Variants in SLC12A1 observed in about 807,000 individuals in gnomAD.
The protein encoded by SLC12A1 is Na-K-2Cl cotransporter.
Under a neutral mutation model 130.4 loss-of-function variants are expected in SLC12A1, and 89 were observed. That is an observed-to-expected ratio of 0.68 (90% confidence interval 0.58 to 0.81). The LOEUF is 0.81. SLC12A1 is among the 40% of genes least tolerant of loss of function. The pLI, the probability that SLC12A1 is intolerant of heterozygous loss-of-function variation, is 0.00. For synonymous variants in SLC12A1, 499 were observed against 460.0 expected (o/e 1.08, Z -1.09); for missense variants, 1,310 against 1,336.4 (o/e 0.98, Z 0.31).
Position 48,299,282 on chromosome 15 carries a change from A to T in SLC12A1, c.3096+7A>T, listed in dbSNP as rs200662267. On this transcript the variant is annotated splice_region_variant and intron_variant, in intron 25 of 26. Coordinates refer to ENST00000380993, the MANE Select transcript of SLC12A1 (RefSeq NM_000338.3). ...GGAAGCAGTCAAGGAAAAGGTAAGGATTTGTCTTTCTTAATTTTTTTGCTG... is the reference window on the plus strand; with the variant it reads ...GGAAGCAGTCAAGGAAAAGGTAAGGTTTTGTCTTTCTTAATTTTTTTGCTG... The T allele has an allele frequency of 6.3e-4, 986 of 1,571,104 alleles. 1 individual carries two copies. Among genetic ancestry groups the T allele is most frequent in the Middle Eastern group, 2.7e-3 (16 of 5,852 alleles).
intron 15 of SLC12A1, among the ~76,000 whole-genome samples, chr15:48,253,913 G>C (rs1165038476): frequency 3.9e-5 from 6 of 152,132 alleles, no homozygotes; most frequent in African/African-American, 1.4e-4. Context: ...AATGATTAAC[G>C]ATGTTGAACA....
intron 16 of SLC12A1, among the ~76,000 whole-genome samples, chr15:48,257,708 G>C (rs557334758): frequency 6.6e-6 from 1 of 152,284 alleles, no homozygotes; most frequent in Admixed American, 6.5e-5. Context: ...CACAGCAGGG[G>C]GACCCTGGAC....
In SLC12A1 at chr15:48,259,050, T is replaced by C. The variant is rs1306992634; in HGVS notation, c.2043-150T>C. The C allele has an allele frequency of 8.4e-6, 5 of 594,566 alleles. No individual in the cohort carries two copies. The Admixed American group carries it at 8.7e-5, about 10-fold the overall frequency. The allele number at this position is 594,566 out of a possible 1,614,324, so 36.8% of individuals were successfully genotyped here. The stretch of plus-strand genomic sequence containing the variant: ...AAACATGTCAAGACAGGCAGGATGA[T>C]TCAAGAATACTGGTGCGAAACCCAA... On this transcript the variant is annotated intron_variant, in intron 16 of 26. Transcript: ENST00000380993.
rs147684303 is a variant in SLC12A1 at position 48,285,141 on chromosome 15, T to C, written c.2521T>C (p.Leu841=). Reference sequence around the variant, plus strand: ...GAGATTAGAACAGGAGAGACTAGCATTGGAAGCGACTATCAAAGATAATGA... The same window carrying C: ...GAGATTAGAACAGGAGAGACTAGCACTGGAAGCGACTATCAAAGATAATGA... ...LERLEQERLA[L]EATIKDNECE... is the part of the protein sequence containing the mutation. Residue 841 remains leucine (L), a synonymous_variant, in exon 21 of 27, where the codon TTG becomes CTG. Transcript: ENST00000380993. 4.3e-6 allele frequency: 7 copies of C among 1,613,306 alleles called. No homozygotes were observed. The highest frequency in any genetic ancestry group is 1.3e-5 in the African/African-American group (1 of 74,892).
At chr15:48,220,837 C>T in intron 3 of SLC12A1, 72 bp downstream of exon 3, 1 of 1,610,234 alleles carries the variant, frequency 6.2e-7, no homozygotes, top group Non-Finnish European at 8.5e-7. Context: ...GTGAACAAGG[C>T]CTGGGCACAG....
intron 24 of SLC12A1, among the ~76,000 whole-genome samples, chr15:48,297,527 T>C (rs2042190301): frequency 6.6e-6 from 1 of 152,240 alleles, no homozygotes; most frequent in Admixed American, 6.5e-5. Flanking sequence ...TTCTATTTCT[T>C]AGGAAACTAT....
At chr15:48,247,711 C>T (rs1046034907) in intron 13 of SLC12A1, among the ~76,000 whole-genome samples, 4 of 152,150 alleles carry the variant, frequency 2.6e-5, no homozygotes, top group East Asian at 3.9e-4. Flanking sequence ...ACGCTGAATC[C>T]TTCCTCCCAC....
chr15:48,229,514 A>G (rs1159708676), intron 6 of SLC12A1, among the ~76,000 whole-genome samples, 186 bp downstream of exon 6: 43 of 152,200 alleles, frequency 2.8e-4, no homozygotes, highest in Admixed American at 2.7e-3. Context: ...CCAGCCAAGA[A>G]AGTTTGGATT....
chr15:48,273,007 T>C (rs2041913835), intron 19 of SLC12A1, among the ~76,000 whole-genome samples: 1 of 150,244 alleles, frequency 6.7e-6, no homozygotes, highest in South Asian at 2.1e-4. Flanking sequence ...ACTCAGCAGG[T>C]TGAGGCAGAA....
Position 48,226,528 on chromosome 15 carries a change from G to A in SLC12A1, c.681G>A (p.Gly227=), listed in dbSNP as rs1219698431. The A allele has an allele frequency of 6.2e-7, 1 of 1,610,010 alleles. No individual in the cohort carries two copies. The highest frequency in any genetic ancestry group is 1.1e-5 in the South Asian group (1 of 89,910). Residue 227 remains glycine (G), a synonymous_variant, in exon 5 of 27, where the codon GGG becomes GGA. Coordinates refer to ENST00000380993, the MANE Select transcript of SLC12A1 (RefSeq NM_000338.3). ...LLSTMVTSIT[G]LSTSAIATNG... ...CCACCATGGTAACTTCTATTACTGG[G>A]TTGTCAACTTCTGCGATAGCAACTA... is the stretch of plus-strand genomic sequence containing the variant.
intron 2 of SLC12A1, among the ~76,000 whole-genome samples, chr15:48,212,889 T>C (rs2041070760): frequency 6.6e-6 from 1 of 152,210 alleles, no homozygotes; most frequent in African/African-American, 2.4e-5. Flanking sequence ...AATTCGTAAA[T>C]AAAAGCATTA....
chr15:48,301,157 G>A (rs921713906), intron 25 of SLC12A1, among the ~76,000 whole-genome samples, 158 bp from the exon 26 acceptor site: 11 of 152,096 alleles, frequency 7.2e-5, no homozygotes, highest in Non-Finnish European at 1.2e-4. Flanking sequence ...TTCTCATGAG[G>A]TTTTAAAACA....
chr15:48,248,165 C>T (rs1330114669), intron 13 of SLC12A1, among the ~76,000 whole-genome samples: 2 of 152,192 alleles, frequency 1.3e-5, no homozygotes, highest in Non-Finnish European at 2.9e-5. Context: ...GGGAGCCACA[C>T]ATAGGCGGGC....
intron 13 of SLC12A1, among the ~76,000 whole-genome samples, chr15:48,247,823 G>A (rs956639447): frequency 2.0e-5 from 3 of 152,144 alleles, no homozygotes; most frequent in Admixed American, 2.0e-4. Flanking sequence ...TGGAAATGTG[G>A]TCCACTGACC....
chr15:48,258,658 C>T (rs1038756385), intron 16 of SLC12A1, among the ~76,000 whole-genome samples: 15 of 152,184 alleles, frequency 9.9e-5, no homozygotes, highest in Admixed American at 3.9e-4. Flanking sequence ...GTCACTTTCA[C>T]ATTTTTGGGT....
intron 15 of SLC12A1, among the ~76,000 whole-genome samples, chr15:48,254,765 A>T (rs1278894881): frequency 6.6e-6 from 1 of 151,982 alleles, no homozygotes; most frequent in Non-Finnish European, 1.5e-5. Flanking sequence ...ACTTAAAAAA[A>T]TACAAAAAAT....
rs185118161 is a variant in SLC12A1, at chr15:48,286,976, C to A, written c.2630-1067C>A. Among the ~76,000 whole-genome samples the A allele has an allele frequency of 1.4e-4, 22 of 152,292 alleles. No homozygotes were observed. In the East Asian group the frequency reaches 4.1e-3, roughly 28 times the overall value. ...CAGGGATGTAAAAACAATATCAGATCATTGCTTCAGAACTGACAGACTCTA... is the reference window on the plus strand; with the variant it reads ...CAGGGATGTAAAAACAATATCAGATAATTGCTTCAGAACTGACAGACTCTA... On this transcript the variant is annotated intron_variant, in intron 21 of 26. Coordinates refer to ENST00000380993, the MANE Select transcript of SLC12A1 (RefSeq NM_000338.3).
intron 19 of SLC12A1, 138 bp downstream of exon 19, chr15:48,269,902 T>A (rs1740571493): frequency 2.2e-6 from 1 of 456,266 alleles, no homozygotes; most frequent in Non-Finnish European, 4.0e-6. Context: ...TCTGACTTCT[T>A]TTCCAAGGTG....
chr15:48,208,220 T>C lies in SLC12A1; in HGVS notation c.420+81T>C, dbSNP rs560629483. 94 of 1,352,094 alleles carry C rather than the reference T, an allele frequency of 7.0e-5. No homozygotes were observed. In the African/African-American group the frequency reaches 1.3e-3, roughly 18 times the overall value. 83.8% of individuals were successfully genotyped at this position (1,352,094 alleles called of 1,614,324 possible). A position where few individuals can be genotyped will look rare whatever the true frequency, so the allele number is the denominator to read the frequency against. On this transcript the variant is annotated intron_variant, in intron 2 of 26. Coordinates refer to ENST00000380993, the MANE Select transcript of SLC12A1 (RefSeq NM_000338.3). ...TCCTTCTCTTTCATTACACTATGAA[T>C]GAATGTGAAACAGTCAAATGGAGAG...
Sources: gnomAD v4.1 joint callset for allele counts (sites outside exome capture counted in the v4.1 genomes callset) on GRCh38, gnomAD v4.1.1 for gene constraint, MANE v1.5 for transcripts, NCBI Gene and HGNC (gene_info 2026-07-23, HGNC 2026-07-21) for gene names.